KCNMB2: variants seen among roughly 807,000 people sequenced by gnomAD.
The protein encoded by KCNMB2 is calcium-activated potassium channel subunit beta-2.
In KCNMB2, 9 loss-of-function variants were observed where a neutral mutation model predicts 24.5. The ratio of observed to expected loss-of-function variants is 0.37; its 90% CI spans 0.22 to 0.64. The LOEUF (loss-of-function observed/expected upper bound fraction) is 0.64, where lower values mean the gene tolerates loss of function less well. Among genes scored for constraint, KCNMB2 ranks in the 30% least tolerant of loss-of-function variants. The pLI, the probability that KCNMB2 is intolerant of heterozygous loss-of-function variation, is 0.63. For synonymous variants in KCNMB2, 109 were observed against 104.4 expected (o/e 1.04, Z -0.27); for missense variants, 226 against 284.3 (o/e 0.79, Z 1.47).
intron 1 of KCNMB2, among the ~76,000 whole-genome samples, chr3:178,579,520 A>G (rs895409204): frequency 6.6e-6 from 1 of 152,192 alleles, no homozygotes; most frequent in African/African-American, 2.4e-5. Flanking sequence ...AACTAAGATC[A>G]GAGCAGAACT....
chr3:178,713,515 A>T (rs1722519593), intron 1 of KCNMB2, among the ~76,000 whole-genome samples: 1 of 152,202 alleles, frequency 6.6e-6, no homozygotes, highest in Non-Finnish European at 1.5e-5. Context: ...TGGTCCAACA[A>T]ATCTAGAAAC....
chr3:178,644,441 A>G (rs1215005632), intron 1 of KCNMB2, among the ~76,000 whole-genome samples: 1 of 152,182 alleles, frequency 6.6e-6, no homozygotes, highest in Non-Finnish European at 1.5e-5. Flanking sequence ...GCCAGACACA[A>G]CTATATAAGA....
At chr3:178,735,818 G>A (rs1014217052) in intron 1 of KCNMB2, among the ~76,000 whole-genome samples, 2 of 152,218 alleles carry the variant, frequency 1.3e-5, no homozygotes, top group African/African-American at 4.8e-5. Flanking sequence ...GGGGTTGGAA[G>A]AAGAGACTCA....
At chr3:178,647,817 T>C (rs1408934877) in intron 1 of KCNMB2, among the ~76,000 whole-genome samples, 3 of 152,144 alleles carry the variant, frequency 2.0e-5, no homozygotes, top group Non-Finnish European at 4.4e-5. Flanking sequence ...CATACTAAAA[T>C]ATAGTAGGAC....
chr3:178,646,509 A>C (rs1349039205), intron 1 of KCNMB2, among the ~76,000 whole-genome samples: 1 of 152,208 alleles, frequency 6.6e-6, no homozygotes, highest in African/African-American at 2.4e-5. Flanking sequence ...AGGAAGATAA[A>C]AGGGAAACAG....
intron 1 of KCNMB2, among the ~76,000 whole-genome samples, chr3:178,707,429 G>A (rs1217896646): frequency 1.3e-5 from 2 of 152,116 alleles, no homozygotes; most frequent in Non-Finnish European, 2.9e-5. Context: ...ACTCTGAAGT[G>A]CCATGCTCTT....
At chr3:178,594,340 C>T (rs772572227) in intron 1 of KCNMB2, among the ~76,000 whole-genome samples, 1 of 151,986 alleles carries the variant, frequency 6.6e-6, no homozygotes, top group Non-Finnish European at 1.5e-5. Context: ...AGACCAATTA[C>T]GAAGAAATTA....
chr3:178,796,881 G>C (rs1260588267), intron 1 of KCNMB2, among the ~76,000 whole-genome samples: 2 of 150,260 alleles, frequency 1.3e-5, no homozygotes, highest in Non-Finnish European at 2.9e-5. Flanking sequence ...CTTAATAAAA[G>C]AAAAGACATA....
chr3:178,646,641 A>G (rs982929379), intron 1 of KCNMB2, among the ~76,000 whole-genome samples: 1 of 152,232 alleles, frequency 6.6e-6, no homozygotes, highest in African/African-American at 2.4e-5. Flanking sequence ...AGGTCTGAGA[A>G]TTAGTTAGGA....
At chr3:178,794,817 C>T (rs910150027) in intron 1 of KCNMB2, among the ~76,000 whole-genome samples, 1 of 152,160 alleles carries the variant, frequency 6.6e-6, no homozygotes, top group Non-Finnish European at 1.5e-5. Flanking sequence ...TGAAGAGCCC[C>T]CTGGCCATAG....
At chr3:178,820,911 A>C (rs181764894) in intron 2 of KCNMB2, among the ~76,000 whole-genome samples, 2 of 152,344 alleles carry the variant, frequency 1.3e-5, no homozygotes, top group East Asian at 3.9e-4. Flanking sequence ...TGTTATTGTC[A>C]ACATGTGGTT....
At chr3:178,596,618 T>G (rs1003184589) in intron 1 of KCNMB2, among the ~76,000 whole-genome samples, 3 of 152,088 alleles carry the variant, frequency 2.0e-5, no homozygotes, top group South Asian at 2.1e-4. Context: ...TTAATTTGCT[T>G]CTTCTTTCTG....
At chr3:178,664,918 G>A (rs1045761774) in intron 1 of KCNMB2, among the ~76,000 whole-genome samples, 1 of 152,038 alleles carries the variant, frequency 6.6e-6, no homozygotes, top group Non-Finnish European at 1.5e-5. Context: ...AAGAACAAAG[G>A]AAATAATTTT....
In KCNMB2 at chr3:178,715,416, A is replaced by G. The variant is rs141572885; in HGVS notation, c.-67-91927A>G. 8.7e-5 allele frequency among the ~76,000 whole-genome samples: 13 copies of G among 148,860 alleles called. No homozygotes were observed. The East Asian group carries it at 2.6e-3, about 29-fold the overall frequency. On this transcript the variant is annotated intron_variant, in intron 1 of 4. Transcript: ENST00000452583. ...AAGTTGGTGGTTGGTTGAGGCAAAT[A>G]GAGAAAGATTCCTTCTGTGGGCTCA...
chr3:178,777,391 G>T (rs1038022716), intron 1 of KCNMB2, among the ~76,000 whole-genome samples: 3 of 152,096 alleles, frequency 2.0e-5, no homozygotes, highest in Admixed American at 2.0e-4. Context: ...CTGAGATCAC[G>T]CCACTGCACT....
At chr3:178,751,545 G>T (rs1723846932) in intron 1 of KCNMB2, among the ~76,000 whole-genome samples, 1 of 113,524 alleles carries the variant, frequency 8.8e-6, no homozygotes, top group Non-Finnish European at 1.6e-5. Flanking sequence ...TTGCACTCCA[G>T]CCCGAGCAAC....
rs1560112435 is a variant in KCNMB2, at chr3:178,568,850, TAGATGATAGATAGATAGATA to T, written c.-68+32140_-68+32159del. ...GATAGATGATAGATAGATAGATAGA[TAGATGATAGATAGATAGATA>T]GATAGATAGATAGATAGATAGATAG... On this transcript the variant is annotated intron_variant, in intron 1 of 4. Transcript: ENST00000452583. 1.2e-3 allele frequency among the ~76,000 whole-genome samples: 135 copies of T among 108,134 alleles called. 2 individuals are homozygous for T. Among genetic ancestry groups the T allele is most frequent in the African/African-American group, 4.8e-3 (132 of 27,688 alleles). The allele number at this position is 108,134 out of a possible 152,430, so 70.9% of individuals were successfully genotyped here. A position where few individuals can be genotyped will look rare whatever the true frequency, so the allele number is the denominator to read the frequency against.
At chr3:178,790,643 C>G (rs779944849) in intron 1 of KCNMB2, among the ~76,000 whole-genome samples, 2 of 152,204 alleles carry the variant, frequency 1.3e-5, no homozygotes, top group African/African-American at 2.4e-5. Flanking sequence ...CACTGTGCAC[C>G]TTGGGTAAGA....
chr3:178,734,346 T>C (rs1559994786), intron 1 of KCNMB2, among the ~76,000 whole-genome samples: 1 of 152,220 alleles, frequency 6.6e-6, no homozygotes, highest in Non-Finnish European at 1.5e-5. Context: ...ATGTTGGACT[T>C]TCAGATTAAG....
Sources: allele counts gnomAD v4.1 joint callset (sites outside exome capture counted in the v4.1 genomes callset), GRCh38; gene constraint gnomAD v4.1.1; transcripts MANE v1.5; gene names NCBI Gene and HGNC (gene_info 2026-07-23, HGNC 2026-07-21).